The following NOS1AP variants were observed in gnomAD, a reference collection of about 807,000 sequenced individuals.
NOS1AP encodes the protein carboxyl-terminal PDZ ligand of neuronal nitric oxide synthase protein.
NOS1AP carries 21 observed loss-of-function variants against 56.2 expected under a neutral mutation model. The ratio of observed to expected loss-of-function variants is 0.37; its 90% CI spans 0.26 to 0.54. The LOEUF (loss-of-function observed/expected upper bound fraction) is 0.54, where lower values mean the gene tolerates loss of function less well. NOS1AP is among the 20% of genes least tolerant of loss of function. The pLI is 0.84. For missense variants in NOS1AP, 522 were observed against 657.8 expected, an observed-to-expected ratio of 0.79 and a Z score of 2.26; for synonymous variants, 270 against 274.6, an observed-to-expected ratio of 0.98 and a Z score of 0.17.
In NOS1AP at chr1:162,183,583, T is replaced by A. The variant is rs569226248; in HGVS notation, c.177+29107T>A. Among the ~76,000 whole-genome samples, 11 of 152,372 alleles carry A rather than the reference T, an allele frequency of 7.2e-5. No homozygotes were observed. The South Asian group carries it at 2.3e-3, about 32-fold the overall frequency. ...TTAGTGTAGCCACCTTCATCAATGA[T>A]CTTAACTAGATCTCCTGGATAACTT... On this transcript the variant is annotated intron_variant, in intron 2 of 9. Transcript: ENST00000361897.
At chr1:162,278,151 A>G (rs1654803778) in intron 2 of NOS1AP, among the ~76,000 whole-genome samples, 1 of 152,008 alleles carries the variant, frequency 6.6e-6, no homozygotes. Context: ...AAATGCCTTC[A>G]TTTCTATGTT....
Position 162,070,240 on chromosome 1 carries a change from C to T in NOS1AP, c.63C>T (p.His21=). Residue 21 remains histidine, a synonymous_variant, in exon 1 of 10, where the codon CAC becomes CAT. Coordinates refer to ENST00000361897, the MANE Select transcript of NOS1AP (RefSeq NM_014697.3). ...GGCACGACCTGCGGATCCCCTTGCA[C>T]AACGAGGACGCCTTCCAGCACGGCA... ...DDGHDLRIPL[H]NEDAFQHGIC... The T allele has an allele frequency of 1.2e-6, 2 of 1,614,064 alleles. No homozygotes were observed. Among genetic ancestry groups the T allele is most frequent in the Non-Finnish European group, 1.7e-6 (2 of 1,179,950 alleles).
At chr1:162,151,294 G>A (rs908859996) in intron 1 of NOS1AP, among the ~76,000 whole-genome samples, 1 of 152,166 alleles carries the variant, frequency 6.6e-6, no homozygotes, top group African/African-American at 2.4e-5. Context: ...TTGTTTCCGG[G>A]TTCCCCATTC....
intron 2 of NOS1AP, among the ~76,000 whole-genome samples, chr1:162,259,515 A>G (rs1654141074): frequency 6.6e-6 from 1 of 152,186 alleles, no homozygotes; most frequent in Non-Finnish European, 1.5e-5. Flanking sequence ...AATTTCATAA[A>G]TATAGTTCCA....
intron 2 of NOS1AP, among the ~76,000 whole-genome samples, chr1:162,264,865 G>C (rs1654369679): frequency 6.8e-6 from 1 of 146,770 alleles, no homozygotes; most frequent in African/African-American, 2.5e-5. Context: ...CCACACTGGA[G>C]TACAGGGGCA....
At chr1:162,241,212 A>G (rs1653479450) in intron 2 of NOS1AP, among the ~76,000 whole-genome samples, 1 of 152,230 alleles carries the variant, frequency 6.6e-6, no homozygotes, top group African/African-American at 2.4e-5. Flanking sequence ...AGACAAGGGA[A>G]GCAGAGGAGA....
At chr1:162,332,806 A>G (rs1039059600) in intron 4 of NOS1AP, among the ~76,000 whole-genome samples, 2 of 152,108 alleles carry the variant, frequency 1.3e-5, no homozygotes, top group Non-Finnish European at 2.9e-5. Context: ...TGCCCCCTCT[A>G]CCAAATCTGA....
intron 1 of NOS1AP, among the ~76,000 whole-genome samples, chr1:162,072,596 T>G (rs1014985902): frequency 2.0e-5 from 3 of 152,164 alleles, no homozygotes; most frequent in Non-Finnish European, 2.9e-5. Context: ...GACAAAAGCA[T>G]ACGGTAAGGG....
chr1:162,294,641 C>G (rs901412056), intron 3 of NOS1AP, among the ~76,000 whole-genome samples: 1 of 152,116 alleles, frequency 6.6e-6, no homozygotes, highest in Non-Finnish European at 1.5e-5. Flanking sequence ...AATTCATAAA[C>G]AAAGAGAAGA....
At chr1:162,338,355 T>A (rs1436421244) in intron 5 of NOS1AP, among the ~76,000 whole-genome samples, 1 of 152,182 alleles carries the variant, frequency 6.6e-6, no homozygotes, top group Admixed American at 6.5e-5. Context: ...TTTTCTCCTC[T>A]TATTATTGTC....
At chr1:162,148,125 A>T (rs1191091106) in intron 1 of NOS1AP, among the ~76,000 whole-genome samples, 2 of 152,182 alleles carry the variant, frequency 1.3e-5, no homozygotes, top group Non-Finnish European at 2.9e-5. Flanking sequence ...GACTATACAG[A>T]GTGTAATGGA....
intron 8 of NOS1AP, among the ~76,000 whole-genome samples, chr1:162,358,478 C>T (rs1510290): frequency 0.032 from 4,921 of 152,168 alleles, 270 homozygotes; most frequent in African/African-American, 0.11. Flanking sequence ...AAGGATATCT[C>T]GTGATGCTAG....
In NOS1AP at chr1:162,355,219, A is replaced by C. The variant is rs1326804097; in HGVS notation, c.628A>C (p.Thr210Pro). 2 of 1,614,044 alleles carry C rather than the reference A, an allele frequency of 1.2e-6. No homozygotes were observed. The highest frequency in any genetic ancestry group is 1.7e-6 in the Non-Finnish European group (2 of 1,179,984). Residue 210 changes from threonine (T) to proline (P), a missense_variant, in exon 7 of 10, where the codon ACG (threonine) becomes CCG (proline). Around this residue, in one of 4 missense-constraint regions of NOS1AP, gnomAD observed 178 missense variants for 165.0 expected, o/e 1.08. Transcript: ENST00000361897. ...GCTCACTGGAGCCGAGAGGGCCTCC[A>C]CGGCCACTGCAGAGGAGACTGACAT... ...RQLTGAERAS[T>P]ATAEETDIDA...
At chr1:162,353,179 T>G (rs916183955) in intron 6 of NOS1AP, among the ~76,000 whole-genome samples, 1 of 152,192 alleles carries the variant, frequency 6.6e-6, no homozygotes, top group Non-Finnish European at 1.5e-5. Context: ...CTCTCATTGC[T>G]GCTGGATCTA....
At chr1:162,167,317 G>A (rs1650548047) in intron 2 of NOS1AP, among the ~76,000 whole-genome samples, 2 of 152,138 alleles carry the variant, frequency 1.3e-5, no homozygotes. Flanking sequence ...ATCACCTGAG[G>A]GCTTATTAAA....
At chr1:162,085,795 T>C (rs534585414) in intron 1 of NOS1AP, among the ~76,000 whole-genome samples, 1 of 152,290 alleles carries the variant, frequency 6.6e-6, no homozygotes, top group African/African-American at 2.4e-5. Flanking sequence ...TACTGACACG[T>C]GGAAAGATAG....
At chr1:162,311,655 A>G (rs1240028762) in intron 4 of NOS1AP, among the ~76,000 whole-genome samples, 2 of 150,262 alleles carry the variant, frequency 1.3e-5, no homozygotes, top group Non-Finnish European at 3.0e-5. Flanking sequence ...ATATGTATAC[A>G]TATGCCATGC....
At chr1:162,169,753 G>A (rs1343303114) in intron 2 of NOS1AP, among the ~76,000 whole-genome samples, 12 of 152,174 alleles carry the variant, frequency 7.9e-5, no homozygotes, top group African/African-American at 2.9e-4. Context: ...CTCATTGCCT[G>A]TGAATGAAAT....
chr1:162,204,791 G>C (rs1030047527), intron 2 of NOS1AP, among the ~76,000 whole-genome samples: 3 of 152,204 alleles, frequency 2.0e-5, no homozygotes, highest in Non-Finnish European at 4.4e-5. Flanking sequence ...TTATGAATCT[G>C]AATCACTGGG....
Sources: allele counts gnomAD v4.1 joint callset (sites outside exome capture counted in the v4.1 genomes callset), GRCh38; gene constraint gnomAD v4.1.1; regional missense constraint gnomAD v4.1.1; transcripts MANE v1.5; gene names NCBI Gene and HGNC (gene_info 2026-07-23, HGNC 2026-07-21).